MCF2: variants seen among roughly 807,000 people sequenced by gnomAD.
MCF2 encodes proto-oncogene DBL.
In MCF2, 44 loss-of-function variants were observed where a neutral mutation model predicts 82.5. The ratio of observed to expected loss-of-function variants is 0.53; its 90% CI spans 0.42 to 0.69. MCF2 has a LOEUF of 0.69. Ranked by LOEUF, MCF2 falls within the 30% of genes least tolerant of loss-of-function variation. MCF2 has a pLI of 0.00. For synonymous variants in MCF2, 217 were observed against 224.9 expected (o/e 0.96, Z 0.32); for missense variants, 623 against 663.1 (o/e 0.94, Z 0.66).
Position 139,701,327 on chromosome X carries a change from T to C in MCF2, c.-45+6779A>G, listed in dbSNP as rs190761838. On this transcript the variant is annotated intron_variant, in intron 1 of 27. Coordinates refer to the MCF2 transcript ENST00000414978. Reference sequence around the variant, plus strand: ...GGTTACTTTTACGTGTCAACTTGGCTAGGCTATAATTAATCAATCAAACAC... The same window carrying C: ...GGTTACTTTTACGTGTCAACTTGGCCAGGCTATAATTAATCAATCAAACAC... Among the ~76,000 whole-genome samples, 10 of 112,204 alleles carry C rather than the reference T, an allele frequency of 8.9e-5. No homozygotes were observed. In the East Asian group the frequency reaches 2.8e-3, roughly 31 times the overall value.
At chrX:139,649,611 A>T (rs756935852) in intron 2 of MCF2, among the ~76,000 whole-genome samples, 2 of 100,671 alleles carry the variant, frequency 2.0e-5, no homozygotes, top group Admixed American at 2.2e-4. Context: ...GATTATTACC[A>T]CTGAACACCT....
At chrX:139,661,721 T>C (rs1310422064) in intron 1 of MCF2, among the ~76,000 whole-genome samples, 1 of 111,747 alleles carries the variant, frequency 8.9e-6, no homozygotes, top group Non-Finnish European at 1.9e-5. Context: ...TTGTTTTTCA[T>C]TTTTCTGTCC....
intron 10 of MCF2, among the ~76,000 whole-genome samples, chrX:139,613,573 G>A (rs1040215637): frequency 2.7e-5 from 3 of 110,554 alleles, no homozygotes; most frequent in African/African-American, 6.6e-5. Flanking sequence ...AGGTATTATC[G>A]TCCTTATTGT....
upstream of MCF2, among the ~76,000 whole-genome samples, chrX:139,643,212 T>G (rs1298602761): frequency 8.9e-6 from 1 of 111,976 alleles, no homozygotes; most frequent in Non-Finnish European, 1.9e-5. Flanking sequence ...TCATTAATTA[T>G]GAAATACAAC....
At chrX:139,601,563 T>C (rs1930555255) in intron 16 of MCF2, among the ~76,000 whole-genome samples, 1 of 111,442 alleles carries the variant, frequency 9.0e-6, no homozygotes, top group Non-Finnish European at 1.9e-5. Context: ...CTCAAAAACT[T>C]TTATGTACTG....
intron 11 of MCF2, among the ~76,000 whole-genome samples, chrX:139,608,004 T>C (rs1028040100): frequency 3.6e-5 from 4 of 109,712 alleles, no homozygotes; most frequent in South Asian, 3.7e-4. Flanking sequence ...ATTTTATGTA[T>C]TAACTCTTTA....
intron 1 of MCF2, among the ~76,000 whole-genome samples, chrX:139,670,171 T>A (rs1934641240): frequency 9.0e-6 from 1 of 110,655 alleles, no homozygotes; most frequent in African/African-American, 3.3e-5. Context: ...TTTAATTATT[T>A]AAAAAAGAGA....
At chrX:139,618,316 A>G (rs968489593) in intron 7 of MCF2, among the ~76,000 whole-genome samples, 4 of 110,989 alleles carry the variant, frequency 3.6e-5, no homozygotes, top group Middle Eastern at 9.3e-3. Flanking sequence ...TGGCCTCTCT[A>G]TCTAGTGGGA....
chrX:139,590,206 TTA>T (rs1378840668), intron 19 of MCF2, among the ~76,000 whole-genome samples: 1 of 111,399 alleles, frequency 9.0e-6, no homozygotes, highest in Non-Finnish European at 1.9e-5. Flanking sequence ...TAAGATCTAA[TTA>T]TGTTATAAAT....
chrX:139,675,132 T>C (rs1349994245), intron 1 of MCF2, among the ~76,000 whole-genome samples: 2 of 112,544 alleles, frequency 1.8e-5, no homozygotes, highest in Non-Finnish European at 3.7e-5. Flanking sequence ...CTTGTGCATG[T>C]GTCACGTAGT....
At chrX:139,676,672 G>A (rs746276664) in intron 1 of MCF2, among the ~76,000 whole-genome samples, 11 of 111,506 alleles carry the variant, frequency 9.9e-5, no homozygotes, top group Admixed American at 5.7e-4. Context: ...TATTTCACAG[G>A]GTTATTGTAA....
chrX:139,620,241 T>C (rs1236084588), intron 6 of MCF2, among the ~76,000 whole-genome samples: 4 of 110,117 alleles, frequency 3.6e-5, no homozygotes, highest in Admixed American at 2.9e-4. Context: ...ATTCCAGGGT[T>C]GAGGCAGAAT....
At chrX:139,627,212 A>G (rs1932781639) in intron 4 of MCF2, among the ~76,000 whole-genome samples, 1 of 112,182 alleles carries the variant, frequency 8.9e-6, no homozygotes, top group African/African-American at 3.2e-5. Context: ...GACAACAAAT[A>G]TGTACCACTG....
intron 11 of MCF2, among the ~76,000 whole-genome samples, chrX:139,609,148 T>C (rs952648381): frequency 8.9e-6 from 1 of 112,369 alleles, no homozygotes; most frequent in African/African-American, 3.2e-5. Flanking sequence ...ACTGGGATTA[T>C]AAGCCAGGCA....
chrX:139,604,714 A>G, exon 15 of MCF2: 1 of 1,199,124 alleles, frequency 8.3e-7, no homozygotes. Context: ...CTCTTTCTGG[A>G]GCATGAGCAC....
intron 1 of MCF2, among the ~76,000 whole-genome samples, chrX:139,661,246 A>G (rs1210801148): frequency 9.0e-6 from 1 of 111,637 alleles, no homozygotes; most frequent in Non-Finnish European, 1.9e-5. Flanking sequence ...GAGTATAGAG[A>G]TAGGATGATC....
chrX:139,707,998 T>A (rs1226948301), intron 1 of MCF2, 108 bp downstream of exon 1: 1 of 111,439 alleles, frequency 9.0e-6, no homozygotes, highest in East Asian at 2.8e-4. Flanking sequence ...ACTACAAGAA[T>A]GAAAATGACT....
intron 1 of MCF2, among the ~76,000 whole-genome samples, chrX:139,699,725 C>G (rs1325308554): frequency 8.9e-6 from 1 of 111,913 alleles, no homozygotes; most frequent in African/African-American, 3.2e-5. Flanking sequence ...TATGGCTAGA[C>G]CATATTTTGT....
At chrX:139,707,370 C>T (rs1348499915) in intron 1 of MCF2, among the ~76,000 whole-genome samples, 1 of 111,155 alleles carries the variant, frequency 9.0e-6, no homozygotes, top group Non-Finnish European at 1.9e-5. Flanking sequence ...GGTTTTGCCT[C>T]ACTAGAGACC....
Sources: allele counts gnomAD v4.1 joint callset (sites outside exome capture counted in the v4.1 genomes callset), GRCh38; gene constraint gnomAD v4.1.1; transcripts MANE v1.5; gene names NCBI Gene and HGNC (gene_info 2026-07-23, HGNC 2026-07-21).